The following ODAD4 variants were observed in gnomAD, a reference collection of about 807,000 sequenced individuals.
The protein encoded by ODAD4 is outer dynein arm docking complex subunit 4.
Under a neutral mutation model 51.8 loss-of-function variants are expected in ODAD4, and 49 were observed. The observed-to-expected ratio is 0.95, with a 90% CI of 0.75 to 1.20. ODAD4 has a LOEUF of 1.20. Ranked by LOEUF, ODAD4 falls within the 50% of genes most tolerant of loss-of-function variation. The pLI is 0.00. For missense variants in ODAD4, 590 were observed against 586.5 expected, an observed-to-expected ratio of 1.01 and a Z score of -0.06; for synonymous variants, 235 against 221.3, an observed-to-expected ratio of 1.06 and a Z score of -0.55.
chr17:41,941,249 G>A (rs2050500923), intron 7 of ODAD4, among the ~76,000 whole-genome samples: 1 of 152,166 alleles, frequency 6.6e-6, no homozygotes, highest in African/African-American at 2.4e-5. Flanking sequence ...CTGTGGTTGG[G>A]ATGAAATTTC....
rs781822948 is a variant in ODAD4 at position 41,935,226 on chromosome 17, C to T, written c.124C>T (p.Leu42Phe). ...AAQSFSNALY[L>F]QDGDKNCLVA... ...CTGGTTTCTTTGTCAGGCTCTTTAC[C>T]TTCAGGATGGAGACAAGAACTGCCT... The change falls in exon 2 of 12, where the codon CTT becomes TTT. Residue 42 changes from leucine to phenylalanine, a missense_variant. By Grantham distance (22) the Leu-to-Phe change is conservative. Coordinates refer to ENST00000377540, the MANE Select transcript of ODAD4 (RefSeq NM_031421.5). 1.2e-6 allele frequency: 2 copies of T among 1,613,820 alleles called. No individual in the cohort carries two copies. The highest frequency in any genetic ancestry group is 1.7e-5 in the Admixed American group (1 of 59,996).
chr17:41,950,765 G>A (rs1422640124), intron 9 of ODAD4, among the ~76,000 whole-genome samples: 4 of 152,042 alleles, frequency 2.6e-5, no homozygotes, highest in African/African-American at 9.6e-5. Context: ...CTGGAGTGTA[G>A]TGACACAATC....
chr17:41,936,614 C>A, intron 4 of ODAD4, 80 bp downstream of exon 4: 1 of 1,515,722 alleles, frequency 6.6e-7, no homozygotes, highest in Non-Finnish European at 9.1e-7. Context: ...GGGAGTCTAG[C>A]TGCAACCTGA....
intron 8 of ODAD4, among the ~76,000 whole-genome samples, chr17:41,946,658 T>C (rs191684023): frequency 4.0e-5 from 6 of 151,558 alleles, no homozygotes; most frequent in Admixed American, 3.3e-4. Context: ...TGTTATGTTA[T>C]GTTGTTTTTA....
chr17:41,952,540 CAAAAAAAAAAAAAAAAA>C lies in ODAD4; in HGVS notation c.1343-2664_1343-2648del, dbSNP rs11369140. The C allele has an allele frequency of 7.0e-5, 8 of 113,862 alleles. No homozygotes were observed. The East Asian group carries it at 7.7e-4, about 11-fold the overall frequency. 7.1% of individuals were successfully genotyped at this position (113,862 alleles called of 1,614,324 possible). Reference sequence around the variant, plus strand: ...CAGAGCGAGGCCCTGACCCTCACTCCAAAAAAAAAAAAAAAAAAAAAAAAAAAAACAGAAAGAATGAA... The same window carrying C: ...CAGAGCGAGGCCCTGACCCTCACTCCAAAAAAAAAAAACAGAAAGAATGAA... On this transcript the variant is annotated intron_variant, in intron 9 of 11. Transcript: ENST00000377540.
At chr17:41,958,088 C>T (rs2050756567) in intron 10 of ODAD4, among the ~76,000 whole-genome samples, 1 of 152,126 alleles carries the variant, frequency 6.6e-6, no homozygotes, top group African/African-American at 2.4e-5. Context: ...AAACAGGTTT[C>T]TTATGCCTCA....
chr17:41,932,905 ACTT>A (rs2050370630), intron 1 of ODAD4, among the ~76,000 whole-genome samples: 1 of 151,870 alleles, frequency 6.6e-6, no homozygotes, highest in African/African-American at 2.4e-5. Context: ...CAAATTGCCC[ACTT>A]CTTCTGCTCC....
chr17:41,949,138 T>C lies in ODAD4; in HGVS notation c.1146-15T>C. 1 of 398,506 alleles carries C rather than the reference T, an allele frequency of 2.5e-6. No individual in the cohort carries two copies. 24.7% of individuals were successfully genotyped at this position (398,506 alleles called of 1,614,324 possible). ...TTTGGGGGATGAAGCTGACTCTGGT[T>C]CTTCATGTCCCCAGGTGGGAAGAAA... On this transcript the variant is annotated splice_polypyrimidine_tract_variant and intron_variant, in intron 8 of 11. Transcript: ENST00000377540.
intron 9 of ODAD4, among the ~76,000 whole-genome samples, chr17:41,950,350 A>C (rs1213960575): frequency 7.3e-5 from 11 of 150,928 alleles, no homozygotes; most frequent in East Asian, 5.9e-4. Context: ...AGGCACAGAG[A>C]GGTCCAGTAG....
chr17:41,933,051 C>T (rs2050372876), intron 1 of ODAD4, among the ~76,000 whole-genome samples: 2 of 151,820 alleles, frequency 1.3e-5, no homozygotes, highest in Admixed American at 1.3e-4. Flanking sequence ...ACCCTAAAAC[C>T]AGAAATGATG....
intron 3 of ODAD4, 90 bp from the exon 4 acceptor site, chr17:41,936,383 T>C: frequency 1.1e-6 from 1 of 942,984 alleles, no homozygotes; most frequent in Non-Finnish European, 1.7e-6. Flanking sequence ...ACCATCCCCC[T>C]GCCAAAGGCA....
In ODAD4 at chr17:41,944,444, A is replaced by ACACACACACCC. The variant is rs1191101800; in HGVS notation, c.1059-691_1059-690insACACACACCCC. Among the ~76,000 whole-genome samples, 155 of 19,450 alleles carry ACACACACACCC rather than the reference A, an allele frequency of 8.0e-3. 4 individuals are homozygous for ACACACACACCC. Among genetic ancestry groups the ACACACACACCC allele is most frequent in the Middle Eastern group, 0.029 (1 of 34 alleles). 12.8% of individuals were successfully genotyped at this position (19,450 alleles called of 152,430 possible). ...CACACACACACACACACACACACAC[A>ACACACACACCC]CCCCCCCGCATACACAGAAATTGCC... On this transcript the variant is annotated intron_variant, in intron 7 of 11. Transcript: ENST00000377540.
chr17:41,957,877 TG>T (rs2050753960), intron 10 of ODAD4, among the ~76,000 whole-genome samples: 1 of 151,782 alleles, frequency 6.6e-6, no homozygotes, highest in African/African-American at 2.4e-5. Context: ...CCTTGATCTC[TG>T]GGCTCAAGAG....
chr17:41,964,462 C>G (rs2050847852), intron 11 of ODAD4, among the ~76,000 whole-genome samples: 1 of 152,140 alleles, frequency 6.6e-6, no homozygotes, highest in Non-Finnish European at 1.5e-5. Context: ...CTATACAGCC[C>G]TCACGTGATG....
chr17:41,953,972 T>C (rs2050693687), intron 9 of ODAD4, among the ~76,000 whole-genome samples: 1 of 149,664 alleles, frequency 6.7e-6, no homozygotes, highest in Non-Finnish European at 1.5e-5. Flanking sequence ...AGCCTATGTA[T>C]GTATGTATTT....
chr17:41,943,003 C>T lies in ODAD4; in HGVS notation c.1059-2133C>T, dbSNP rs566247861. On this transcript the variant is annotated intron_variant, in intron 7 of 11. Coordinates refer to ENST00000377540, the MANE Select transcript of ODAD4 (RefSeq NM_031421.5). ...TCACCCTCCTGAGTAGCTGGGTCTA[C>T]TGGCATGAACCATTGTGCCCGCGTT... is the stretch of plus-strand genomic sequence containing the variant. Among the ~76,000 whole-genome samples, 58 of 152,294 alleles carry T rather than the reference C, an allele frequency of 3.8e-4. No individual in the cohort carries two copies. In the South Asian group the frequency reaches 8.3e-3, roughly 22 times the overall value.
intron 1 of ODAD4, among the ~76,000 whole-genome samples, chr17:41,932,269 A>G (rs565484046): frequency 3.3e-5 from 5 of 152,012 alleles, no homozygotes; most frequent in Non-Finnish European, 7.4e-5. Flanking sequence ...GGGTTTCTCC[A>G]TGTTGGTCAG....
intron 7 of ODAD4, among the ~76,000 whole-genome samples, chr17:41,943,014 C>T (rs2050527859): frequency 6.6e-6 from 1 of 152,134 alleles, no homozygotes; most frequent in Admixed American, 6.6e-5. Flanking sequence ...TGGCATGAAC[C>T]ATTGTGCCCG....
intron 11 of ODAD4, among the ~76,000 whole-genome samples, chr17:41,961,940 G>A (rs117366719): frequency 0.014 from 2,154 of 152,256 alleles, 19 homozygotes; most frequent in Admixed American, 0.019. Flanking sequence ...AGGAGGCTTC[G>A]ACGAGGAAAA....
Sources: gnomAD v4.1 joint callset for allele counts (sites outside exome capture counted in the v4.1 genomes callset) on GRCh38, gnomAD v4.1.1 for gene constraint, MANE v1.5 for transcripts, NCBI Gene and HGNC (gene_info 2026-07-23, HGNC 2026-07-21) for gene names.